The following MYOM2 variants were observed in gnomAD, a reference collection of about 807,000 sequenced individuals.
MYOM2 encodes myomesin 2, also known as myomesin-2.
In MYOM2, 254 loss-of-function variants were observed where a neutral mutation model predicts 187.6. The ratio of observed to expected loss-of-function variants is 1.35; its 90% CI spans 1.22 to 1.50. The LOEUF is 1.50. Ranked by LOEUF, MYOM2 falls within the 40% of genes most tolerant of loss-of-function variation. MYOM2 has a pLI of 0.00. For missense variants in MYOM2, 2,796 were observed against 1,924.0 expected (o/e 1.45, Z -8.48); for synonymous variants, 981 against 753.8 (o/e 1.30, Z -4.94).
At chr8:2,128,663 C>G (rs1229072788) in intron 31 of MYOM2, among the ~76,000 whole-genome samples, 1 of 152,096 alleles carries the variant, frequency 6.6e-6, no homozygotes, top group Non-Finnish European at 1.5e-5. Context: ...TTCCTCTGAC[C>G]CAAGTTTCAT....
At chr8:2,109,152 C>T in intron 24 of MYOM2, 1 of 534,576 alleles carries the variant, frequency 1.9e-6, no homozygotes, top group Non-Finnish European at 3.2e-6. Flanking sequence ...AGAATCCAGG[C>T]ATCTTTACTT....
Position 2,138,518 on chromosome 8 carries a change from G to A in MYOM2, c.3801-2205G>A, listed in dbSNP as rs570875651. ...CGGGGAGGGGCAGATTATGGGAAAA[G>A]GGAGCTAATTAACATATTGTGAAGG... is the stretch of plus-strand genomic sequence containing the variant. On this transcript the variant is annotated intron_variant, in intron 32 of 36. Transcript: ENST00000262113. Among the ~76,000 whole-genome samples the A allele has an allele frequency of 1.4e-4, 22 of 152,332 alleles. No homozygotes were observed. In the South Asian group the frequency reaches 3.9e-3, roughly 27 times the overall value.
intron 6 of MYOM2, among the ~76,000 whole-genome samples, chr8:2,065,121 C>A (rs1192926344): frequency 6.6e-6 from 1 of 152,164 alleles, no homozygotes; most frequent in East Asian, 1.9e-4. Context: ...ATCAAAGTCA[C>A]CCTAGTCAAG....
rs1456209334 is a variant in MYOM2 at position 2,076,544 on chromosome 8, C to T, written c.1262+262C>T. The stretch of plus-strand genomic sequence containing the variant: ...GCCTGTTGCACACCCAGTAACCAAT[C>T]CCACCAACGTCTTCAGGCTCACTCT... On this transcript the variant is annotated intron_variant, in intron 11 of 36. Transcript: ENST00000262113. The T allele has an allele frequency of 1.7e-5, 8 of 460,880 alleles. No individual in the cohort carries two copies. In the South Asian group the frequency reaches 2.2e-4, roughly 13 times the overall value. 28.5% of individuals were successfully genotyped at this position (460,880 alleles called of 1,614,324 possible). A position where few individuals can be genotyped will look rare whatever the true frequency, so the allele number is the denominator to read the frequency against.
intron 13 of MYOM2, among the ~76,000 whole-genome samples, chr8:2,083,109 A>G (rs1819686104): frequency 6.6e-6 from 1 of 152,230 alleles, no homozygotes; most frequent in Non-Finnish European, 1.5e-5. Flanking sequence ...TGAATGTGAA[A>G]GCATTTTAAA....
chr8:2,127,247 G>C (rs985834069), intron 31 of MYOM2, among the ~76,000 whole-genome samples: 1 of 152,114 alleles, frequency 6.6e-6, no homozygotes, highest in Non-Finnish European at 1.5e-5. Flanking sequence ...TCTCCGAGTA[G>C]AGGAAACAGA....
chr8:2,057,805 T>C (rs117274617), intron 5 of MYOM2, 25 bp downstream of exon 5: 78,507 of 1,605,400 alleles, frequency 0.049, 2,382 homozygotes, highest in Non-Finnish European at 0.059. Context: ...TCCCAGGGGG[T>C]GAAGAAGTCC....
chr8:2,140,313 C>T (rs910658521), intron 32 of MYOM2, among the ~76,000 whole-genome samples: 1 of 125,230 alleles, frequency 8.0e-6, no homozygotes, highest in Non-Finnish European at 1.6e-5. Context: ...CCCACCGGGG[C>T]GGTCGTGAAC....
chr8:2,133,101 C>A (rs993915278), intron 32 of MYOM2, among the ~76,000 whole-genome samples: 4 of 152,102 alleles, frequency 2.6e-5, no homozygotes, highest in Admixed American at 2.6e-4. Flanking sequence ...TCTCAGAAAG[C>A]ACAGGGTGTT....
chr8:2,136,732 G>C (rs1022694107), intron 32 of MYOM2, among the ~76,000 whole-genome samples: 2 of 152,198 alleles, frequency 1.3e-5, no homozygotes, highest in African/African-American at 2.4e-5. Context: ...GAATGATCGC[G>C]TGAAGGTGTA....
chr8:2,084,334 A>C (rs1819734453), intron 13 of MYOM2, among the ~76,000 whole-genome samples: 1 of 152,190 alleles, frequency 6.6e-6, no homozygotes, highest in Non-Finnish European at 1.5e-5. Flanking sequence ...AGGGCTCAGG[A>C]AACGAAACCC....
At chr8:2,143,728 G>T (rs946922470) in intron 36 of MYOM2, among the ~76,000 whole-genome samples, 1 of 152,214 alleles carries the variant, frequency 6.6e-6, no homozygotes, top group African/African-American at 2.4e-5. Flanking sequence ...CTCAAGGCAA[G>T]TGCTGTGGCT....
chr8:2,089,465 C>G (rs529483381), intron 14 of MYOM2, among the ~76,000 whole-genome samples: 1 of 152,268 alleles, frequency 6.6e-6, no homozygotes, highest in East Asian at 1.9e-4. Context: ...CATAATTCCT[C>G]TTATTAGACT....
intron 32 of MYOM2, among the ~76,000 whole-genome samples, chr8:2,129,885 A>G (rs1315124036): frequency 1.3e-5 from 2 of 151,718 alleles, no homozygotes; most frequent in Non-Finnish European, 2.9e-5. Flanking sequence ...TCCCCAAAAC[A>G]GGACTCGCAT....
At chr8:2,067,742 T>G (rs749862204) in intron 6 of MYOM2, among the ~76,000 whole-genome samples, 2 of 99,664 alleles carry the variant, frequency 2.0e-5, no homozygotes, top group Admixed American at 2.7e-4. Context: ...TATTCCTAAG[T>G]CATGTTTTTT....
chr8:2,118,016 T>G, intron 28 of MYOM2, 64 bp downstream of exon 28: 1 of 1,411,536 alleles, frequency 7.1e-7, no homozygotes, highest in South Asian at 1.2e-5. Flanking sequence ...AGAGAGGCCT[T>G]TCAGGGAGTA....
intron 27 of MYOM2, among the ~76,000 whole-genome samples, chr8:2,116,814 G>A (rs1797260785): frequency 6.6e-6 from 1 of 152,146 alleles, no homozygotes; most frequent in South Asian, 2.1e-4. Context: ...CTGGAGTGCG[G>A]TGATGCCATC....
At chr8:2,123,696 A>T in intron 30 of MYOM2, 54 bp downstream of exon 30, 1 of 1,484,454 alleles carries the variant, frequency 6.7e-7, no homozygotes, top group Non-Finnish European at 9.4e-7. Flanking sequence ...CACCAACAGG[A>T]TGGGATGTAT....
intron 21 of MYOM2, among the ~76,000 whole-genome samples, chr8:2,105,966 C>T (rs1796873009): frequency 6.6e-6 from 1 of 152,176 alleles, no homozygotes; most frequent in Non-Finnish European, 1.5e-5. Flanking sequence ...GAGGGCACTT[C>T]TTCACAGGGC....
Sources: gnomAD v4.1 joint callset for allele counts (sites outside exome capture counted in the v4.1 genomes callset) on GRCh38, gnomAD v4.1.1 for gene constraint, MANE v1.5 for transcripts, NCBI Gene and HGNC (gene_info 2026-07-23, HGNC 2026-07-21) for gene names.